The following CCSER1 variants were observed in gnomAD, a reference collection of about 807,000 sequenced individuals.
CCSER1 encodes the protein coiled-coil serine rich protein 1, also known as serine-rich coiled-coil domain-containing protein 1.
A neutral mutation model predicts 82.0 loss-of-function variants in CCSER1; 41 were observed. The observed-to-expected ratio is 0.50, with a 90% CI of 0.39 to 0.65. CCSER1 has a LOEUF of 0.65. Among genes scored for constraint, CCSER1 ranks in the 30% least tolerant of loss-of-function variants. The pLI, the probability that CCSER1 is intolerant of heterozygous loss-of-function variation, is 0.00. For missense variants in CCSER1, 1,119 were observed against 1,064.2 expected, an observed-to-expected ratio of 1.05 and a Z score of -0.72; for synonymous variants, 414 against 383.9, an observed-to-expected ratio of 1.08 and a Z score of -0.92.
chr4:91,210,266 C>A (rs1429033803), intron 10 of CCSER1, among the ~76,000 whole-genome samples: 1 of 150,230 alleles, frequency 6.7e-6, no homozygotes, highest in East Asian at 1.9e-4. Flanking sequence ...TTATATATAA[C>A]ATTATTTATA....
At chr4:91,083,945 T>G (rs1249996717) in intron 9 of CCSER1, among the ~76,000 whole-genome samples, 1 of 152,136 alleles carries the variant, frequency 6.6e-6, no homozygotes, top group Non-Finnish European at 1.5e-5. Context: ...TGTTTAAAGA[T>G]GTAAGGCCAA....
chr4:90,353,816 G>A lies in CCSER1; in HGVS notation c.1509+40769G>A, dbSNP rs114394587. ...TGAGGCAGCTAGGTGGTACTGGCCG[G>A]AGGAACCCCACCAGAACAAGTGGCC... On this transcript the variant is annotated intron_variant, in intron 3 of 10. Transcript: ENST00000509176. Among the ~76,000 whole-genome samples, 988 of 152,266 alleles carry A rather than the reference G, an allele frequency of 6.5e-3. 8 individuals are homozygous for A. Among genetic ancestry groups the A allele is most frequent in the African/African-American group, 0.022 (930 of 41,554 alleles).
chr4:90,887,609 C>A (rs1445293402), intron 8 of CCSER1, among the ~76,000 whole-genome samples: 2 of 152,192 alleles, frequency 1.3e-5, no homozygotes, highest in Non-Finnish European at 2.9e-5. Flanking sequence ...ACTGGCCAGG[C>A]ACGTTGGCTC....
intron 10 of CCSER1, among the ~76,000 whole-genome samples, chr4:91,568,798 T>C (rs1416658669): frequency 6.7e-6 from 1 of 150,032 alleles, no homozygotes; most frequent in Non-Finnish European, 1.5e-5. Flanking sequence ...CTCCTGAATC[T>C]TGATGATTTT....
chr4:90,977,590 G>A (rs1360962317), intron 9 of CCSER1, among the ~76,000 whole-genome samples: 1 of 151,544 alleles, frequency 6.6e-6, no homozygotes, highest in Non-Finnish European at 1.5e-5. Flanking sequence ...GAGTACACTA[G>A]ACAGTTAATT....
chr4:90,561,656 A>G (rs1314065897), intron 5 of CCSER1, among the ~76,000 whole-genome samples: 1 of 152,210 alleles, frequency 6.6e-6, no homozygotes. Context: ...TTGAATATCC[A>G]GACTTCCTCT....
intron 10 of CCSER1, among the ~76,000 whole-genome samples, chr4:91,171,295 C>G (rs941138178): frequency 6.6e-6 from 1 of 152,108 alleles, no homozygotes; most frequent in African/African-American, 2.4e-5. Context: ...ATCTAAAAGT[C>G]TAAGTTATTG....
At chr4:90,214,245 T>C (rs1740605568) in intron 1 of CCSER1, among the ~76,000 whole-genome samples, 3 of 152,066 alleles carry the variant, frequency 2.0e-5, no homozygotes, top group Admixed American at 6.6e-5. Context: ...GAGTTGCAAG[T>C]GGATTGGGAA....
At chr4:91,044,679 A>G (rs72886627) in intron 9 of CCSER1, among the ~76,000 whole-genome samples, 1,873 of 152,232 alleles carry the variant, frequency 0.012, 35 homozygotes, top group African/African-American at 0.042. Context: ...GCCTGGAATT[A>G]CTTTACCTCA....
chr4:91,424,941 T>G (rs1753886468), intron 10 of CCSER1, among the ~76,000 whole-genome samples: 1 of 152,102 alleles, frequency 6.6e-6, no homozygotes, highest in African/African-American at 2.4e-5. Context: ...TGAATTAGCT[T>G]TTAATATTAT....
At chr4:90,257,032 CG>C (rs143479097) in intron 1 of CCSER1, among the ~76,000 whole-genome samples, 2,769 of 151,658 alleles carry the variant, frequency 0.018, 45 homozygotes, top group African/African-American at 0.049. Context: ...GCATCCACTG[CG>C]GGGGGGTCTT....
intron 5 of CCSER1, among the ~76,000 whole-genome samples, chr4:90,508,958 T>C (rs1394076420): frequency 6.6e-6 from 1 of 152,102 alleles, no homozygotes; most frequent in Non-Finnish European, 1.5e-5. Context: ...TATATTGTTT[T>C]AATATATTTC....
chr4:91,313,761 C>T (rs1745647136), intron 10 of CCSER1, among the ~76,000 whole-genome samples: 1 of 151,844 alleles, frequency 6.6e-6, no homozygotes, highest in Non-Finnish European at 1.5e-5. Flanking sequence ...AAAAGATGAC[C>T]CAGTCCAAGC....
chr4:90,886,242 T>C (rs998636001), intron 8 of CCSER1, among the ~76,000 whole-genome samples: 2 of 152,286 alleles, frequency 1.3e-5, no homozygotes. Flanking sequence ...TACCTCCCAA[T>C]TTGCAGAGGT....
intron 1 of CCSER1, among the ~76,000 whole-genome samples, chr4:90,256,210 C>T (rs114071553): frequency 0.011 from 1,736 of 152,270 alleles, 41 homozygotes; most frequent in African/African-American, 0.039. Flanking sequence ...AGTCTCCATT[C>T]ATGCTCAAAA....
rs573460663 is a variant in CCSER1 at position 91,266,249 on chromosome 4, G to T, written c.2217+180255G>T. ...AAGCTGGTTGTTTTTTTTGTTTGTT[G>T]GTTTGTTTTGTTTTTTTTTTGAGAC... On this transcript the variant is annotated intron_variant, in intron 10 of 10. Transcript: ENST00000509176. Among the ~76,000 whole-genome samples the T allele has an allele frequency of 1.7e-3, 258 of 151,296 alleles. 2 individuals carry two copies. The highest frequency in any genetic ancestry group is 5.8e-3 in the African/African-American group (240 of 41,392).
At chr4:91,591,471 C>T (rs1017051582) in intron 10 of CCSER1, among the ~76,000 whole-genome samples, 1 of 152,006 alleles carries the variant, frequency 6.6e-6, no homozygotes, top group African/African-American at 2.4e-5. Context: ...TCAGCTTATA[C>T]ATTCATCATT....
At chr4:90,221,978 G>C (rs537922260) in intron 1 of CCSER1, among the ~76,000 whole-genome samples, 224 of 151,954 alleles carry the variant, frequency 1.5e-3, no homozygotes, top group African/African-American at 5.1e-3. Context: ...TTTTTTCTTT[G>C]TAATATTCTC....
chr4:91,332,696 T>C (rs1747039519), intron 10 of CCSER1, among the ~76,000 whole-genome samples: 1 of 152,012 alleles, frequency 6.6e-6, no homozygotes, highest in South Asian at 2.1e-4. Context: ...CATTAGTAGC[T>C]CTAATAGGCA....
Sources: gnomAD v4.1 joint callset for allele counts (sites outside exome capture counted in the v4.1 genomes callset) on GRCh38, gnomAD v4.1.1 for gene constraint, MANE v1.5 for transcripts, NCBI Gene and HGNC (gene_info 2026-07-23, HGNC 2026-07-21) for gene names.